Variants in DSCAML1 observed in about 807,000 individuals in gnomAD.
The protein encoded by DSCAML1 is DS cell adhesion molecule like 1.
In DSCAML1, 38 loss-of-function variants were observed where a neutral mutation model predicts 200.5. The ratio of observed to expected loss-of-function variants is 0.19; its 90% CI spans 0.15 to 0.25. The LOEUF (loss-of-function observed/expected upper bound fraction) is 0.25. Ranked by LOEUF, DSCAML1 falls within the 10% of genes least tolerant of loss-of-function variation. The probability of loss-of-function intolerance (pLI) is 1.00; values close to 1 mark genes in which losing one functional copy is unlikely to be tolerated. For missense variants in DSCAML1, 2,223 were observed against 2,858.8 expected (o/e 0.78, Z 5.07); for synonymous variants, 1,215 against 1,165.0 (o/e 1.04, Z -0.87).
intron 3 of DSCAML1, among the ~76,000 whole-genome samples, chr11:117,576,892 G>C (rs920677681): frequency 6.6e-6 from 1 of 152,188 alleles, no homozygotes; most frequent in African/African-American, 2.4e-5. Context: ...GGTGGCCTTC[G>C]AAGGCTTATT....
At chr11:117,488,945 C>T (rs1284236423) in intron 11 of DSCAML1, among the ~76,000 whole-genome samples, 1 of 152,264 alleles carries the variant, frequency 6.6e-6, no homozygotes, top group East Asian at 1.9e-4. Context: ...CCCGCATGCC[C>T]AGGTTCCCCT....
At chr11:117,618,741 AGGGAGG>A (rs1279010375) in intron 3 of DSCAML1, among the ~76,000 whole-genome samples, 3 of 151,804 alleles carry the variant, frequency 2.0e-5, no homozygotes, top group Non-Finnish European at 2.9e-5. Context: ...AGGAGCAGGG[AGGGAGG>A]GGGATGCATT....
At chr11:117,571,365 A>C (rs570172473) in intron 3 of DSCAML1, among the ~76,000 whole-genome samples, 11 of 152,346 alleles carry the variant, frequency 7.2e-5, no homozygotes, top group African/African-American at 2.4e-4. Flanking sequence ...AGGACACTGC[A>C]GTGCAGAGAG....
At chr11:117,611,150 C>T (rs745996316) in intron 3 of DSCAML1, 6 of 152,258 alleles carry the variant, frequency 3.9e-5, no homozygotes, top group African/African-American at 1.4e-4. Context: ...CCTCAGGGAG[C>T]TCATTCTACC....
chr11:117,486,270 G>GGAAAGTGGCGGATGT (rs1391190955), intron 11 of DSCAML1, among the ~76,000 whole-genome samples: 6 of 85,934 alleles, frequency 7.0e-5, no homozygotes, highest in African/African-American at 1.5e-4. Context: ...GTGGTGGATG[G>GGAAAGTGGCGGATGT]GAAAGTGGCG....
At chr11:117,815,181 T>C (rs956826941) in intron 1 of DSCAML1, among the ~76,000 whole-genome samples, 2 of 152,130 alleles carry the variant, frequency 1.3e-5, no homozygotes, top group African/African-American at 4.8e-5. Flanking sequence ...CCAGCTTTTC[T>C]CTAAGAACAG....
intron 3 of DSCAML1, among the ~76,000 whole-genome samples, chr11:117,561,755 C>T (rs1041440349): frequency 3.9e-5 from 6 of 152,228 alleles, no homozygotes; most frequent in African/African-American, 1.2e-4. Flanking sequence ...GGATGCCCCT[C>T]GTACTAGCCC....
chr11:117,799,014 C>T (rs538054292), upstream of DSCAML1, among the ~76,000 whole-genome samples: 5 of 152,148 alleles, frequency 3.3e-5, no homozygotes, highest in Non-Finnish European at 7.3e-5. Context: ...TTTGAGATGA[C>T]CCAGACCGAT....
At chr11:117,441,808 C>G (rs972352334) in intron 21 of DSCAML1, among the ~76,000 whole-genome samples, 3 of 152,046 alleles carry the variant, frequency 2.0e-5, no homozygotes, top group African/African-American at 7.3e-5. Flanking sequence ...AGTGGGGGCA[C>G]CAGACAGGCC....
At chr11:117,712,387 G>A (rs1005786496) in intron 3 of DSCAML1, among the ~76,000 whole-genome samples, 1 of 152,138 alleles carries the variant, frequency 6.6e-6, no homozygotes, top group Non-Finnish European at 1.5e-5. Context: ...GTAAGCAAAA[G>A]CAAGCTCCTG....
intron 3 of DSCAML1, among the ~76,000 whole-genome samples, chr11:117,582,448 C>T (rs1312666555): frequency 6.6e-6 from 1 of 152,204 alleles, no homozygotes; most frequent in African/African-American, 2.4e-5. Flanking sequence ...CCACATGGTC[C>T]TCTTCTTCCG....
intron 16 of DSCAML1, among the ~76,000 whole-genome samples, chr11:117,467,168 C>T (rs1490617072): frequency 2.7e-5 from 4 of 149,202 alleles, no homozygotes; most frequent in East Asian, 2.0e-4. Flanking sequence ...CAGCCAGGTG[C>T]GCGCACGCAT....
intron 4 of DSCAML1, among the ~76,000 whole-genome samples, chr11:117,531,461 C>A (rs2050075028): frequency 6.6e-6 from 1 of 152,152 alleles, no homozygotes; most frequent in African/African-American, 2.4e-5. Context: ...TCCCGAGAAG[C>A]TATAATCACC....
rs549147827 is a variant in DSCAML1 at position 117,685,662 on chromosome 11, A to G, written c.511+91129T>C. ...TGTTGTGAGCTCTGAGCTCCCCGGG[A>G]GGAGACGGAAAGCACGCGTACCTCT... On this transcript the variant is annotated intron_variant, in intron 3 of 32. Transcript: ENST00000651296. Among the ~76,000 whole-genome samples the G allele has an allele frequency of 2.0e-5, 3 of 152,288 alleles. No homozygotes were observed. In the South Asian group the frequency reaches 6.2e-4, roughly 32 times the overall value.
intron 3 of DSCAML1, among the ~76,000 whole-genome samples, chr11:117,601,913 C>T (rs933973338): frequency 2.0e-5 from 3 of 152,242 alleles, no homozygotes; most frequent in Admixed American, 6.5e-5. Flanking sequence ...AGTATCATCT[C>T]TCCTGGGTTT....
chr11:117,532,497 G>A lies in DSCAML1; in HGVS notation c.537C>T (p.His179=), dbSNP rs773947303. The change falls in exon 4 of 33, where the codon CAC becomes CAT. Residue 179 remains histidine, a synonymous_variant. Coordinates refer to ENST00000651296, the MANE Select transcript of DSCAML1 (RefSeq NM_020693.4). ...IPEHRFFITY[H]GGLYISDVQK... Reference sequence around the variant, plus strand: ...GTACGTCAGAGATGTACAGCCCGCCGTGGTAGGTAATAAAAAACCTGTGTT... The same window carrying A: ...GTACGTCAGAGATGTACAGCCCGCCATGGTAGGTAATAAAAAACCTGTGTT... 47 of 1,613,752 alleles carry A rather than the reference G, an allele frequency of 2.9e-5. No homozygotes were observed. The African/African-American group carries it at 4.5e-4, about 16-fold the overall frequency.
At chr11:117,755,591 C>A (rs2137878667) in intron 3 of DSCAML1, among the ~76,000 whole-genome samples, 1 of 152,346 alleles carries the variant, frequency 6.6e-6, no homozygotes, top group South Asian at 2.1e-4. Flanking sequence ...CAGACAACAT[C>A]TCCTCTTGAC....
chr11:117,815,448 G>A (rs947464170), intron 1 of DSCAML1, among the ~76,000 whole-genome samples: 13 of 152,152 alleles, frequency 8.5e-5, no homozygotes, highest in Admixed American at 7.2e-4. Flanking sequence ...CAGGGCTTCC[G>A]GGGCCACAAA....
At chr11:117,793,365 A>C (rs745701015) in intron 1 of DSCAML1, among the ~76,000 whole-genome samples, 4 of 152,150 alleles carry the variant, frequency 2.6e-5, no homozygotes, top group Non-Finnish European at 4.4e-5. Flanking sequence ...GGAGGGAAGA[A>C]GCTCGCAGCC....
Sources: gnomAD v4.1 joint callset for allele counts (sites outside exome capture counted in the v4.1 genomes callset) on GRCh38, gnomAD v4.1.1 for gene constraint, MANE v1.5 for transcripts, NCBI Gene and HGNC (gene_info 2026-07-23, HGNC 2026-07-21) for gene names.